The following KCTD16 variants were observed in gnomAD, a reference collection of about 807,000 sequenced individuals.
The protein encoded by KCTD16 is BTB/POZ domain-containing protein KCTD16.
Under a neutral mutation model 33.2 loss-of-function variants are expected in KCTD16, and 13 were observed. The observed-to-expected ratio is 0.39, with a 90% confidence interval of 0.25 to 0.62. KCTD16 has a LOEUF of 0.62. Among genes scored for constraint, KCTD16 ranks in the 20% least tolerant of loss-of-function variants. The pLI is 0.50. For missense variants in KCTD16, 441 were observed against 525.1 expected, an observed-to-expected ratio of 0.84 and a Z score of 1.57; for synonymous variants, 197 against 195.3, an observed-to-expected ratio of 1.01 and a Z score of -0.07.
intron 3 of KCTD16, among the ~76,000 whole-genome samples, chr5:144,295,473 G>A (rs1406001988): frequency 6.6e-6 from 1 of 152,174 alleles, no homozygotes; most frequent in Non-Finnish European, 1.5e-5. Flanking sequence ...TCCAGGGGAG[G>A]CAGTGTGACC....
intron 3 of KCTD16, among the ~76,000 whole-genome samples, chr5:144,454,857 A>G (rs1329973394): frequency 2.0e-5 from 3 of 152,176 alleles, no homozygotes; most frequent in African/African-American, 7.2e-5. Context: ...AGGGTGATAG[A>G]AATATAATGG....
Position 144,207,473 on chromosome 5 carries a change from G to A in KCTD16, c.759G>A (p.Ser253=), listed in dbSNP as rs757998131. The change falls in exon 3 of 4, where the codon TCG becomes TCA. Residue 253 remains serine, a synonymous_variant. Transcript: ENST00000512467. ...CGFHMVACNS[S]VTASFINQYT... is the part of the protein sequence containing the mutation. ...TCCACATGGTGGCCTGTAACTCATC[G>A]GTGACAGCATCTTTCATCAACCAAT... The A allele has an allele frequency of 2.7e-5, 43 of 1,613,998 alleles. 2 individuals are homozygous for A. In the South Asian group the frequency reaches 3.5e-4, roughly 13 times the overall value.
intron 3 of KCTD16, among the ~76,000 whole-genome samples, chr5:144,352,392 T>C (rs1408110928): frequency 1.3e-5 from 2 of 152,166 alleles, no homozygotes; most frequent in Non-Finnish European, 2.9e-5. Context: ...CAGAGAATGA[T>C]AACTGAATGA....
intron 3 of KCTD16, among the ~76,000 whole-genome samples, chr5:144,259,424 G>T (rs74857528): frequency 6.6e-6 from 1 of 152,066 alleles, no homozygotes; most frequent in Non-Finnish European, 1.5e-5. Flanking sequence ...GGCCTTGCAG[G>T]ATTTTGATGC....
chr5:144,461,235 G>A (rs774620177), intron 3 of KCTD16, among the ~76,000 whole-genome samples: 2 of 152,260 alleles, frequency 1.3e-5, no homozygotes, highest in Middle Eastern at 3.4e-3. Context: ...GGAATTACAG[G>A]AAAAGCATGG....
At chr5:144,178,626 G>C (rs1752553414) in intron 2 of KCTD16, among the ~76,000 whole-genome samples, 1 of 152,060 alleles carries the variant, frequency 6.6e-6, no homozygotes, top group Non-Finnish European at 1.5e-5. Context: ...TGCTGTCTGT[G>C]ATAATGAATT....
chr5:144,372,603 G>A (rs1751994219), intron 3 of KCTD16, among the ~76,000 whole-genome samples: 1 of 152,138 alleles, frequency 6.6e-6, no homozygotes, highest in Non-Finnish European at 1.5e-5. Context: ...TTACAGAGGA[G>A]GCAACTCCTC....
At chr5:144,266,901 T>G (rs1470823582) in intron 3 of KCTD16, among the ~76,000 whole-genome samples, 1 of 152,206 alleles carries the variant, frequency 6.6e-6, no homozygotes, top group Middle Eastern at 3.2e-3. Context: ...GATACAGATA[T>G]TTTAGTTCAT....
chr5:144,287,542 A>G (rs1755778382), intron 3 of KCTD16, among the ~76,000 whole-genome samples: 1 of 152,214 alleles, frequency 6.6e-6, no homozygotes. Context: ...TCAAGATTCC[A>G]ATCCATGCAG....
chr5:144,395,260 G>T (rs965889530), intron 3 of KCTD16, among the ~76,000 whole-genome samples: 1 of 152,168 alleles, frequency 6.6e-6, no homozygotes, highest in South Asian at 2.1e-4. Flanking sequence ...TTCAGTTATC[G>T]ATTTCTTTTT....
At chr5:144,384,959 G>C in intron 3 of KCTD16, among the ~76,000 whole-genome samples, 1 of 152,082 alleles carries the variant, frequency 6.6e-6, no homozygotes, top group East Asian at 1.9e-4. Context: ...TATTTATTTT[G>C]GATGTTTAGA....
At chr5:144,407,224 TGTCATCAACTAAATTTTAGG>T (rs1388237061) in intron 3 of KCTD16, among the ~76,000 whole-genome samples, 1 of 150,166 alleles carries the variant, frequency 6.7e-6, no homozygotes, top group Admixed American at 6.6e-5. Context: ...TTTTAAACTA[TGTCATCAACTAAATTTTAGG>T]TTGAAAATGT....
chr5:144,231,722 G>A (rs1754109270), intron 3 of KCTD16, among the ~76,000 whole-genome samples: 2 of 152,018 alleles, frequency 1.3e-5, no homozygotes, highest in Non-Finnish European at 2.9e-5. Context: ...TTTATAAGGG[G>A]CTTTTTCCCC....
chr5:144,287,420 A>G (rs1428090611), intron 3 of KCTD16, among the ~76,000 whole-genome samples: 1 of 152,198 alleles, frequency 6.6e-6, no homozygotes, highest in Non-Finnish European at 1.5e-5. Context: ...CTGTTCATGC[A>G]TTCTTACAGC....
intron 3 of KCTD16, among the ~76,000 whole-genome samples, chr5:144,316,897 G>A (rs935367045): frequency 8.2e-5 from 11 of 133,376 alleles, no homozygotes; most frequent in South Asian, 4.8e-4. Flanking sequence ...GTGTGATCTC[G>A]GCTCACTGCA....
intron 3 of KCTD16, among the ~76,000 whole-genome samples, chr5:144,401,766 T>C (rs987560893): frequency 1.3e-5 from 2 of 152,234 alleles, no homozygotes; most frequent in African/African-American, 4.8e-5. Flanking sequence ...GCATTGTAAG[T>C]CTACAGTGCT....
At chr5:144,461,904 C>T (rs1306099647) in intron 3 of KCTD16, among the ~76,000 whole-genome samples, 1 of 152,146 alleles carries the variant, frequency 6.6e-6, no homozygotes, top group African/African-American at 2.4e-5. Flanking sequence ...TTGTCTAAAG[C>T]CAGATGCTGC....
chr5:144,174,790 G>A (rs1381475624), intron 2 of KCTD16, among the ~76,000 whole-genome samples: 1 of 152,184 alleles, frequency 6.6e-6, no homozygotes, highest in Non-Finnish European at 1.5e-5. Context: ...AGTATTGCAA[G>A]TGCTGCATGT....
intron 3 of KCTD16, among the ~76,000 whole-genome samples, chr5:144,425,375 G>T (rs1046793905): frequency 4.0e-5 from 6 of 151,800 alleles, no homozygotes; most frequent in African/African-American, 7.3e-5. Flanking sequence ...AGCTCTCTCA[G>T]GTTGGAGTCT....
Sources: allele counts gnomAD v4.1 joint callset (sites outside exome capture counted in the v4.1 genomes callset), GRCh38; gene constraint gnomAD v4.1.1; transcripts MANE v1.5; gene names NCBI Gene and HGNC (gene_info 2026-07-23, HGNC 2026-07-21).